The following SLC66A2 variants were observed in gnomAD, a reference collection of about 807,000 sequenced individuals.
SLC66A2 encodes the protein solute carrier family 66 member 2.
In SLC66A2, 23 loss-of-function variants were observed where a neutral mutation model predicts 25.5. That is an observed-to-expected ratio of 0.90 (90% CI 0.65 to 1.28). The LOEUF (loss-of-function observed/expected upper bound fraction) is 1.28, where lower values mean the gene tolerates loss of function less well. Among genes scored for constraint, SLC66A2 ranks in the 50% most tolerant of loss-of-function variants. The probability of loss-of-function intolerance (pLI) is 0.00; values close to 1 mark genes in which losing one functional copy is unlikely to be tolerated. For missense variants in SLC66A2, 396 were observed against 373.1 expected, an observed-to-expected ratio of 1.06 and a Z score of -0.51; for synonymous variants, 193 against 166.5, an observed-to-expected ratio of 1.16 and a Z score of -1.23.
chr18:79,914,695 G>A (rs1983734502), intron 5 of SLC66A2, among the ~76,000 whole-genome samples: 1 of 152,276 alleles, frequency 6.6e-6, no homozygotes, highest in African/African-American at 2.4e-5. Flanking sequence ...GGGGGCAGAG[G>A]TGGGGACCCT....
In SLC66A2 at chr18:79,917,262, G is replaced by A. The variant is rs1984308527; in HGVS notation, c.608+1922C>T. ...CAGCTGACGGGGCAGCCCCTGGGCT[G>A]AGACCTTGAACAACATGCCTGCGCT... On this transcript the variant is annotated intron_variant, in intron 5 of 5. Transcript: ENST00000397778. The surrounding 1 kb of genome is among the most constrained non-coding windows in gnomAD (Gnocchi z 6.0). Among the ~76,000 whole-genome samples, 1 of 152,236 alleles carries A rather than the reference G, an allele frequency of 6.6e-6. No individual in the cohort carries two copies. The highest frequency in any genetic ancestry group is 1.5e-5 in the Non-Finnish European group (1 of 68,030).
chr18:79,944,670 T>C, intron 2 of SLC66A2: 1 of 152,580 alleles, frequency 6.6e-6, no homozygotes, highest in African/African-American at 2.4e-5. Context: ...TCAATCAGCC[T>C]GCAGTTTGGC....
intron 4 of SLC66A2, among the ~76,000 whole-genome samples, chr18:79,929,154 A>G (rs1248636891): frequency 1.3e-5 from 2 of 152,228 alleles, no homozygotes; most frequent in Admixed American, 1.3e-4. Flanking sequence ...AAGTTTATCA[A>G]ACAGAACCAG....
chr18:79,931,742 G>C (rs1986588703), intron 4 of SLC66A2, among the ~76,000 whole-genome samples: 1 of 152,156 alleles, frequency 6.6e-6, no homozygotes, highest in African/African-American at 2.4e-5. Flanking sequence ...GCTGGGCGTG[G>C]TTGCTCATGC....
chr18:79,930,096 C>T (rs535346283), intron 4 of SLC66A2: 24 of 152,184 alleles, frequency 1.6e-4, no homozygotes, highest in African/African-American at 5.8e-4. Context: ...AATCCACATA[C>T]CCAAGAAGCT....
chr18:79,943,517 T>C (rs1987891526), intron 2 of SLC66A2, 55 bp from the exon 3 acceptor site: 1 of 1,586,084 alleles, frequency 6.3e-7, no homozygotes, highest in Admixed American at 1.7e-5. Context: ...CTTCTCCCAG[T>C]CCCGAACCTG....
At chr18:79,915,029 G>A (rs1415005843) in intron 5 of SLC66A2, among the ~76,000 whole-genome samples, 1 of 152,236 alleles carries the variant, frequency 6.6e-6, no homozygotes, top group Non-Finnish European at 1.5e-5. Flanking sequence ...GGCCTGGAGT[G>A]GTCCTGTTCC....
intron 5 of SLC66A2, among the ~76,000 whole-genome samples, chr18:79,911,963 G>A (rs1204055582): frequency 7.2e-6 from 1 of 139,652 alleles, no homozygotes; most frequent in Non-Finnish European, 1.5e-5. Context: ...CGGGAGCAGA[G>A]GGGACAGGAG....
At position 79,927,261 on chromosome 18, in the gene SLC66A2, C is replaced by A. The variant is rs1386743603; in HGVS notation, c.391+6708G>T. Reference sequence around the variant, plus strand: ...AGGCAGGGCTCAGCAGGACCCCAGGCGGGCACACAGGGGCTCATCTGGAGG... The same window carrying A: ...AGGCAGGGCTCAGCAGGACCCCAGGAGGGCACACAGGGGCTCATCTGGAGG... On this transcript the variant is annotated intron_variant, in intron 4 of 5. Transcript: ENST00000397778. This position sits in a 1 kb window ranked among gnomAD's most constrained non-coding sequence, Gnocchi z 6.2. Among the ~76,000 whole-genome samples the A allele has an allele frequency of 2.0e-5, 3 of 152,024 alleles. No homozygotes were observed. Among genetic ancestry groups the A allele is most frequent in the South Asian group, 4.1e-4 (2 of 4,824 alleles).
chr18:79,919,570 A>G (rs7236026), intron 4 of SLC66A2, among the ~76,000 whole-genome samples, 170 bp from the exon 5 acceptor site: 701 of 28,584 alleles, frequency 0.025, 107 homozygotes, highest in African/African-American at 0.025. Context: ...GGAGAGGTCA[A>G]GGTCAGTGAG....
At chr18:79,912,703 G>A (rs1026444939) in intron 5 of SLC66A2, among the ~76,000 whole-genome samples, 1 of 152,194 alleles carries the variant, frequency 6.6e-6, no homozygotes, top group South Asian at 2.1e-4. Flanking sequence ...GAATTAGACC[G>A]TGGTGCTGGC....
intron 4 of SLC66A2, among the ~76,000 whole-genome samples, chr18:79,926,065 A>G (rs961953902): frequency 6.6e-6 from 1 of 152,246 alleles, no homozygotes; most frequent in African/African-American, 2.4e-5. Context: ...CACTCCTACC[A>G]GCACCGTGAC....
At chr18:79,928,100 G>A (rs1223098120) in intron 4 of SLC66A2, among the ~76,000 whole-genome samples, 1 of 152,238 alleles carries the variant, frequency 6.6e-6, no homozygotes, top group Non-Finnish European at 1.5e-5. Flanking sequence ...CGCGGCCAAG[G>A]GAGCCATGGC....
rs1477793904 is a variant in SLC66A2 at position 79,903,859 on chromosome 18, G to A, written c.*117C>T. 2.5e-6 allele frequency: 2 copies of A among 800,026 alleles called. No homozygotes were observed. The highest frequency in any genetic ancestry group is 2.8e-5 in the East Asian group (1 of 35,196). 49.6% of individuals were successfully genotyped at this position (800,026 alleles called of 1,614,324 possible). A position where few individuals can be genotyped will look rare whatever the true frequency, so the allele number is the denominator to read the frequency against. On this transcript the variant is annotated 3_prime_UTR_variant, in exon 6 of 6. Transcript: ENST00000397778. The stretch of plus-strand genomic sequence containing the variant: ...CACAGAGGCTGATGGAGACCCCAAT[G>A]CCCATGCCCCATCTCTGCCACACCT...
intron 4 of SLC66A2, among the ~76,000 whole-genome samples, chr18:79,923,392 T>C (rs1985532286): frequency 6.6e-6 from 1 of 151,730 alleles, no homozygotes; most frequent in Admixed American, 6.6e-5. Flanking sequence ...CTGTGCACGG[T>C]GGGCTGCGGA....
Position 79,918,508 on chromosome 18 carries a change from G to C in SLC66A2, c.608+676C>G, listed in dbSNP as rs958951630. ...GGGGTCCCCAGTGAGGAGCGGGCCT[G>C]GGGGTCGAAAGTGTGAGGGACTAGA... On this transcript the variant is annotated intron_variant, in intron 5 of 5. Coordinates refer to ENST00000397778, the MANE Select transcript of SLC66A2 (RefSeq NM_025078.5). This position sits in a 1 kb window ranked among gnomAD's most constrained non-coding sequence, Gnocchi z 4.0. Among the ~76,000 whole-genome samples the C allele has an allele frequency of 1.3e-5, 2 of 152,064 alleles. No individual in the cohort carries two copies. The highest frequency in any genetic ancestry group is 4.8e-5 in the African/African-American group (2 of 41,398).
At chr18:79,949,831 C>T (rs9965386) in intron 2 of SLC66A2, 19,564 of 152,238 alleles carry the variant, frequency 0.13, 1,323 homozygotes, top group East Asian at 0.22. Context: ...TCTGCCCGGA[C>T]AGAGAGGCTG....
intron 4 of SLC66A2, among the ~76,000 whole-genome samples, chr18:79,929,357 C>A (rs1369763681): frequency 6.6e-6 from 1 of 152,174 alleles, no homozygotes; most frequent in Admixed American, 6.5e-5. Context: ...AGGGTCACAG[C>A]CAGCCAGAAC....
intron 2 of SLC66A2, among the ~76,000 whole-genome samples, chr18:79,950,386 T>G (rs1230309385): frequency 6.6e-6 from 1 of 151,764 alleles, no homozygotes; most frequent in Non-Finnish European, 1.5e-5. Flanking sequence ...CTATACAACA[T>G]GAAAAAGGAG....
Sources: allele counts gnomAD v4.1 joint callset (sites outside exome capture counted in the v4.1 genomes callset), GRCh38; gene constraint gnomAD v4.1.1; non-coding constraint Gnocchi (gnomAD v3.1); transcripts MANE v1.5; gene names NCBI Gene and HGNC (gene_info 2026-07-23, HGNC 2026-07-21).